The following RP1L1 variants were observed in gnomAD, a reference collection of about 807,000 sequenced individuals.
The protein encoded by RP1L1 is retinitis pigmentosa 1-like 1 protein.
Under a neutral mutation model 15.7 loss-of-function variants are expected in RP1L1, and 27 were observed. That is an observed-to-expected ratio of 1.72 (90% CI 1.27 to 2.38). RP1L1 has a LOEUF of 2.38. Ranked by LOEUF, RP1L1 falls within the 30% of genes most tolerant of loss-of-function variation. RP1L1 has a pLI of 0.00. For missense variants in RP1L1, 4,798 were observed against 3,075.9 expected, an observed-to-expected ratio of 1.56 and a Z score of -13.24; for synonymous variants, 1,813 against 1,276.7, an observed-to-expected ratio of 1.42 and a Z score of -8.96.
chr8:10,616,353 A>G (rs1434813652), intron 3 of RP1L1, 93 bp downstream of exon 3: 17 of 1,533,474 alleles, frequency 1.1e-5, no homozygotes, highest in Non-Finnish European at 9.9e-6. Flanking sequence ...GCCAAAGGGA[A>G]GTTTCCTGAA....
rs1292868045 is a variant in RP1L1 at position 10,608,826 on chromosome 8, G to C, written c.5272C>G (p.Pro1758Ala). The C allele has an allele frequency of 1.1e-5, 17 of 1,613,960 alleles. No homozygotes were observed. Among genetic ancestry groups the C allele is most frequent in the Non-Finnish European group, 1.4e-5 (16 of 1,180,044 alleles). ...TCTCCCTCTGCCTCCCCGAGTTTGG[G>C]ATCTTTGTCTCTGTTGAGTCTCTGG... is the stretch of plus-strand genomic sequence containing the variant. ...GSQRLNRDKD[P>A]KLGEAEGDAM... is the part of the protein sequence containing the mutation. The change falls in exon 4 of 4, where the codon CCC becomes GCC. Residue 1758 changes from proline (P) to alanine (A), a missense_variant. Physicochemically the swap from Pro to Ala is conservative, Grantham distance 27. Coordinates refer to ENST00000382483, the MANE Select transcript of RP1L1 (RefSeq NM_178857.6).
At position 10,612,443 on chromosome 8, in the gene RP1L1, G is replaced by C; in HGVS notation, c.1655C>G (p.Pro552Arg). The C allele has an allele frequency of 1.9e-6, 3 of 1,612,626 alleles. No homozygotes were observed. The highest frequency in any genetic ancestry group is 2.5e-6 in the Non-Finnish European group (3 of 1,180,012). The change falls in exon 4 of 4, where the codon CCC becomes CGC. Residue 552 changes from proline to arginine, a missense_variant. Transcript: ENST00000382483. ...CCTTGCCTTGCCTGGACAGCCCTGGGGCCGCCCACCCCATTCGCTGGATCC... is the reference window on the plus strand; with the variant it reads ...CCTTGCCTTGCCTGGACAGCCCTGGCGCCGCCCACCCCATTCGCTGGATCC... ...HEGSSEWGGR[P>R]QGCPGKARAE...
In RP1L1 at chr8:10,606,528, G is replaced by C. The variant is rs1797704318; in HGVS notation, c.*367C>G. 1 of 267,320 alleles carries C rather than the reference G, an allele frequency of 3.7e-6. No homozygotes were observed. Among genetic ancestry groups the C allele is most frequent in the Non-Finnish European group, 7.2e-6 (1 of 139,432 alleles). 16.6% of individuals were successfully genotyped at this position (267,320 alleles called of 1,614,324 possible). On this transcript the variant is annotated 3_prime_UTR_variant, in exon 4 of 4. Transcript: ENST00000382483. ...AGGAGATCAACAGGGAAAAGACAGA[G>C]AGCAACACTTGCTAGCAGAAAACAA...
At chr8:10,622,141 G>T (rs1485175039) in intron 2 of RP1L1, among the ~76,000 whole-genome samples, 1 of 151,826 alleles carries the variant, frequency 6.6e-6, no homozygotes, top group Non-Finnish European at 1.5e-5. Flanking sequence ...GACCAACATG[G>T]AGAAACCCTG....
chr8:10,616,127 T>A (rs2117212530), intron 3 of RP1L1, among the ~76,000 whole-genome samples: 1 of 152,186 alleles, frequency 6.6e-6, no homozygotes, highest in African/African-American at 2.4e-5. Flanking sequence ...CAGGCGGGTG[T>A]CCAACTCCTA....
Position 10,611,599 on chromosome 8 carries a change from C to G in RP1L1, c.2499G>C (p.Pro833=), listed in dbSNP as rs373310698. The stretch of plus-strand genomic sequence containing the variant: ...AGGGTCCCCGCTGGGCCTCTTGGGC[C>G]GGCTGCGTCCCAGGCTGTGAGCAGC... The part of the protein sequence containing the change: ...SHCCSQPGTQ[P]AQEAQRGPSP... The change falls in exon 4 of 4, where the codon CCG becomes CCC. Residue 833 remains proline, a synonymous_variant. Coordinates refer to ENST00000382483, the MANE Select transcript of RP1L1 (RefSeq NM_178857.6). The G allele has an allele frequency of 1.2e-6, 2 of 1,611,798 alleles. No individual in the cohort carries two copies. Among genetic ancestry groups the G allele is most frequent in the East Asian group, 2.2e-5 (1 of 44,852 alleles).
intron 1 of RP1L1, among the ~76,000 whole-genome samples, chr8:10,624,581 T>C (rs1385985861): frequency 1.3e-5 from 2 of 152,210 alleles, no homozygotes; most frequent in Non-Finnish European, 2.9e-5. Context: ...CCCTGGCGTC[T>C]TCTCTGACCA....
At chr8:10,651,939 A>C (rs949476683) in intron 1 of RP1L1, among the ~76,000 whole-genome samples, 1 of 152,142 alleles carries the variant, frequency 6.6e-6, no homozygotes, top group Non-Finnish European at 1.5e-5. Context: ...ATTTAAAAAA[A>C]TCTTTTATAC....
At chr8:10,628,750 C>T (rs571298815) in intron 1 of RP1L1, among the ~76,000 whole-genome samples, 3 of 152,194 alleles carry the variant, frequency 2.0e-5, no homozygotes, top group Non-Finnish European at 2.9e-5. Flanking sequence ...ACATCCATGA[C>T]AACTCATGGA....
Position 10,609,818 on chromosome 8 carries a change from A to T in RP1L1, c.4280T>A (p.Val1427Asp), listed in dbSNP as rs748149627. The change falls in exon 4 of 4, where the codon GTC becomes GAC. Residue 1427 changes from valine to aspartate, a missense_variant. Transcript: ENST00000382483. ...GGCTCTTCCTGCTTCCTCCTCCTGG[A>T]CTGGGTCATCTTCCTGGGAGCCTTT... is the stretch of plus-strand genomic sequence containing the variant. ...DGKGSQEDDP[V>D]QEEEAGRASA... 1 of 1,613,844 alleles carries T rather than the reference A, an allele frequency of 6.2e-7. No individual in the cohort carries two copies.
chr8:10,647,416 C>G (rs555145553), intron 1 of RP1L1, among the ~76,000 whole-genome samples: 1 of 152,242 alleles, frequency 6.6e-6, no homozygotes, highest in South Asian at 2.1e-4. Context: ...TCTTGTTATG[C>G]AACCATCACC....
In RP1L1 at chr8:10,608,009, T is replaced by C; in HGVS notation, c.6089A>G (p.Glu2030Gly). Residue 2030 changes from glutamate (E) to glycine (G), a missense_variant, in exon 4 of 4, where the codon GAA becomes GGA. Physicochemically the swap from Glu to Gly is moderately conservative, Grantham distance 98 (BLOSUM62 -2). Transcript: ENST00000382483. The stretch of plus-strand genomic sequence containing the variant: ...TTCAACCTCCTGGGCCTCTTCACCT[T>C]CTGACTTTGGCTGGGCCTCTACACC... Reference protein sequence around the residue: ...SDGVEAQPKSEGEEAQEVEGE... With the variant: ...SDGVEAQPKSGGEEAQEVEGE... 6.2e-7 allele frequency: 1 copy of C among 1,607,952 alleles called. No homozygotes were observed. Among genetic ancestry groups the C allele is most frequent in the Non-Finnish European group, 8.5e-7 (1 of 1,178,506 alleles).
intron 1 of RP1L1, among the ~76,000 whole-genome samples, chr8:10,651,065 T>C (rs1258066295): frequency 1.3e-5 from 2 of 152,170 alleles, no homozygotes; most frequent in South Asian, 2.1e-4. Context: ...TACCTTGAGA[T>C]CTAGTCTGTA....
chr8:10,643,593 A>C (rs920506091), intron 1 of RP1L1, among the ~76,000 whole-genome samples: 1 of 152,182 alleles, frequency 6.6e-6, no homozygotes, highest in Non-Finnish European at 1.5e-5. Context: ...AAAGAAAAAA[A>C]AATAGCTGTC....
Position 10,608,450 on chromosome 8 carries a change from G to T in RP1L1, c.5648C>A (p.Ala1883Asp), listed in dbSNP as rs572412780. ...DVEAPEAEGE[A>D]QPESEDVETP... The stretch of plus-strand genomic sequence containing the variant: ...CTCTACATCTTCTGACTCTGGCTGG[G>T]CCTCTCCTTCTGCCTCTGGGGCCTC... The change falls in exon 4 of 4, where the codon GCC becomes GAC. Residue 1883 changes from alanine to aspartate, a missense_variant. Transcript: ENST00000382483. 6.2e-7 allele frequency: 1 copy of T among 1,601,456 alleles called. No individual in the cohort carries two copies. Among genetic ancestry groups the T allele is most frequent in the African/African-American group, 1.4e-5 (1 of 73,310 alleles).
chr8:10,608,488 C>G lies in RP1L1; in HGVS notation c.5610G>C (p.Glu1870Asp), dbSNP rs146509318. 1.3e-6 allele frequency: 2 copies of G among 1,594,950 alleles called. No homozygotes were observed. The highest frequency in any genetic ancestry group is 1.3e-5 in the African/African-American group (1 of 74,656). ...AQEAEGEAQP[E>D]SEDVEAPEAE... is the part of the protein sequence containing the mutation. Reference sequence around the variant, plus strand: ...CCTCTGGGGCCTCTACATCTTCTGACTCTGGCTGGGCCTCCCCTTCAGCCT... The same window carrying G: ...CCTCTGGGGCCTCTACATCTTCTGAGTCTGGCTGGGCCTCCCCTTCAGCCT... Residue 1870 changes from glutamate (E) to aspartate (D), a missense_variant, in exon 4 of 4, where the codon GAG becomes GAC. Coordinates refer to ENST00000382483, the MANE Select transcript of RP1L1 (RefSeq NM_178857.6).
At chr8:10,640,001 T>C (rs1798384540) in intron 1 of RP1L1, among the ~76,000 whole-genome samples, 1 of 152,240 alleles carries the variant, frequency 6.6e-6, no homozygotes. Context: ...GGGTTCTAAA[T>C]GGTCAGGGGT....
At chr8:10,653,101 T>C (rs1275615695) in intron 1 of RP1L1, among the ~76,000 whole-genome samples, 1 of 152,186 alleles carries the variant, frequency 6.6e-6, no homozygotes, top group Non-Finnish European at 1.5e-5. Context: ...CAAGAGATAT[T>C]GTTGACAGAT....
In RP1L1 at chr8:10,623,098, T is replaced by C; in HGVS notation, c.104A>G (p.Lys35Arg). 9.9e-6 allele frequency: 16 copies of C among 1,613,834 alleles called. No homozygotes were observed. The highest frequency in any genetic ancestry group is 1.4e-5 in the Non-Finnish European group (16 of 1,179,922). ...ATCCCCTCGCTTGAGGAAGGTGATC[T>C]TCTTGGCTGGCGTGACCTTGGTGAC... is the stretch of plus-strand genomic sequence containing the variant. ...PSVTKVTPAK[K>R]ITFLKRGDPR... The change falls in exon 2 of 4, where the codon AAG becomes AGG. Residue 35 changes from lysine (K) to arginine (R), a missense_variant. Transcript: ENST00000382483.
Sources: gnomAD v4.1 joint callset for allele counts (sites outside exome capture counted in the v4.1 genomes callset) on GRCh38, gnomAD v4.1.1 for gene constraint, MANE v1.5 for transcripts, NCBI Gene and HGNC (gene_info 2026-07-23, HGNC 2026-07-21) for gene names.